The following F13A1 variants were observed in gnomAD, a reference collection of about 807,000 sequenced individuals.
The protein encoded by F13A1 is FSF, A subunit.
Under a neutral mutation model 80.1 loss-of-function variants are expected in F13A1, and 47 were observed. That is an observed-to-expected ratio of 0.59 (90% CI 0.46 to 0.75). The LOEUF (loss-of-function observed/expected upper bound fraction) is 0.75, where lower values mean the gene tolerates loss of function less well. Ranked by LOEUF, F13A1 falls within the 30% of genes least tolerant of loss-of-function variation. The pLI is 0.00. For synonymous variants in F13A1, 349 were observed against 344.9 expected (o/e 1.01, Z -0.13); for missense variants, 817 against 930.4 (o/e 0.88, Z 1.59).
At chr6:6,164,498 AAGAC>A (rs1471756413) in intron 13 of F13A1, among the ~76,000 whole-genome samples, 2 of 152,032 alleles carry the variant, frequency 1.3e-5, no homozygotes, top group Non-Finnish European at 2.9e-5. Context: ...TAAAAATAGA[AAGAC>A]AGGAAAGGAA....
chr6:6,163,749 A>G (rs1446731654), intron 13 of F13A1, among the ~76,000 whole-genome samples: 2 of 152,154 alleles, frequency 1.3e-5, no homozygotes, highest in African/African-American at 4.8e-5. Context: ...TGTGTGTGCT[A>G]TTGTGAATAG....
chr6:6,162,136 A>C lies in F13A1; in HGVS notation c.1908+5322T>G, dbSNP rs1760585924. ...AATCATGTTACATTCCCACTCTAGA[A>C]ACTCCCTTGAAGCCTCTTTGTTCAG... On this transcript the variant is annotated intron_variant, in intron 13 of 14. Coordinates refer to ENST00000264870, the MANE Select transcript of F13A1 (RefSeq NM_000129.4). The surrounding 1 kb of genome is among the most constrained non-coding windows in gnomAD (Gnocchi z 4.2). Among the ~76,000 whole-genome samples the C allele has an allele frequency of 1.3e-5, 2 of 152,100 alleles. No individual in the cohort carries two copies. Among genetic ancestry groups the C allele is most frequent in the African/African-American group, 4.8e-5 (2 of 41,398 alleles).
At chr6:6,252,045 A>G (rs920472111) in intron 4 of F13A1, among the ~76,000 whole-genome samples, 2 of 152,164 alleles carry the variant, frequency 1.3e-5, no homozygotes, top group Admixed American at 1.3e-4. Flanking sequence ...AGAAAATGCC[A>G]CAGTGGTTAA....
intron 8 of F13A1, among the ~76,000 whole-genome samples, chr6:6,200,943 C>T (rs779520913): frequency 3.3e-5 from 5 of 152,138 alleles, no homozygotes; most frequent in Non-Finnish European, 7.3e-5. Flanking sequence ...GACAATGACT[C>T]TGCTAGCCTC....
chr6:6,279,537 GA>G (rs1229197140), intron 3 of F13A1, among the ~76,000 whole-genome samples: 3 of 152,168 alleles, frequency 2.0e-5, no homozygotes, highest in African/African-American at 4.8e-5. Context: ...ACTTGGTGGG[GA>G]GGCACACTTT....
chr6:6,318,741 G>A, intron 1 of F13A1, 59 bp from the exon 2 acceptor site: 1 of 1,555,302 alleles, frequency 6.4e-7, no homozygotes, highest in Non-Finnish European at 8.7e-7. Flanking sequence ...AGTAACATTT[G>A]AGACAAGGAT....
At chr6:6,191,958 G>A (rs1039874265) in intron 10 of F13A1, among the ~76,000 whole-genome samples, 4 of 152,224 alleles carry the variant, frequency 2.6e-5, no homozygotes, top group East Asian at 1.9e-4. Flanking sequence ...TTGGGTGAGC[G>A]AAGGCCTCTT....
At chr6:6,281,219 C>A (rs1372557379) in intron 3 of F13A1, among the ~76,000 whole-genome samples, 1 of 152,152 alleles carries the variant, frequency 6.6e-6, no homozygotes, top group Non-Finnish European at 1.5e-5. Flanking sequence ...AAAATAATTC[C>A]TTCATATCTT....
At chr6:6,191,339 A>C (rs1761194755) in intron 10 of F13A1, among the ~76,000 whole-genome samples, 1 of 152,076 alleles carries the variant, frequency 6.6e-6, no homozygotes, top group African/African-American at 2.4e-5. Flanking sequence ...ATTTACGGCT[A>C]ATTTTTCTTC....
At chr6:6,297,956 C>G (rs1432111853) in intron 3 of F13A1, among the ~76,000 whole-genome samples, 3 of 150,062 alleles carry the variant, frequency 2.0e-5, no homozygotes, top group Non-Finnish European at 4.4e-5. Context: ...TGTCTTTGTT[C>G]TCGTTGGTTT....
At chr6:6,285,362 A>G (rs780311446) in intron 3 of F13A1, among the ~76,000 whole-genome samples, 6 of 152,268 alleles carry the variant, frequency 3.9e-5, no homozygotes, top group Non-Finnish European at 8.8e-5. Context: ...TGAACCAGAC[A>G]TGGGACAAGA....
At chr6:6,190,536 G>GGGGGTCA (rs1484776118) in intron 10 of F13A1, among the ~76,000 whole-genome samples, 4 of 151,006 alleles carry the variant, frequency 2.6e-5, no homozygotes. Flanking sequence ...TAGGCTGCTC[G>GGGGGTCA]GGGGTCAGGG....
intron 3 of F13A1, among the ~76,000 whole-genome samples, chr6:6,290,174 T>C (rs901335363): frequency 6.6e-6 from 1 of 152,150 alleles, no homozygotes; most frequent in African/African-American, 2.4e-5. Flanking sequence ...CAAATAAATA[T>C]CTGAAAAATA....
chr6:6,220,563 C>CTCTG (rs1554101502), intron 8 of F13A1, among the ~76,000 whole-genome samples: 3 of 145,900 alleles, frequency 2.1e-5, no homozygotes, highest in African/African-American at 5.1e-5. Context: ...GTCTGTGTGT[C>CTCTG]TGTCTGTGTG....
At chr6:6,298,048 T>G (rs1452746861) in intron 3 of F13A1, among the ~76,000 whole-genome samples, 2 of 151,244 alleles carry the variant, frequency 1.3e-5, no homozygotes, top group African/African-American at 4.9e-5. Context: ...TTCCATGTAG[T>G]TGAGCCGTTT....
chr6:6,223,661 TAAAAC>T (rs1050671961), intron 7 of F13A1, among the ~76,000 whole-genome samples: 7 of 151,956 alleles, frequency 4.6e-5, no homozygotes, highest in East Asian at 1.9e-4. Context: ...TATGGGAAAA[TAAAAC>T]AAAACAAAAC....
At chr6:6,174,939 A>AC in intron 11 of F13A1, 72 bp from the exon 12 acceptor site, 1 of 1,561,102 alleles carries the variant, frequency 6.4e-7, no homozygotes, top group Non-Finnish European at 8.8e-7. Context: ...TAATGGATGC[A>AC]CCGTGTACTG....
intron 8 of F13A1, among the ~76,000 whole-genome samples, chr6:6,209,743 C>T (rs929845176): frequency 6.6e-6 from 1 of 152,112 alleles, no homozygotes; most frequent in Non-Finnish European, 1.5e-5. Flanking sequence ...GGAAGCCAGA[C>T]ACAAAAGGTC....
At chr6:6,165,782 A>C (rs1382526210) in intron 13 of F13A1, among the ~76,000 whole-genome samples, 1 of 152,202 alleles carries the variant, frequency 6.6e-6, no homozygotes, top group African/African-American at 2.4e-5. Context: ...AGCAACCCTA[A>C]TCCCCACCTC....
Sources: allele counts gnomAD v4.1 joint callset (sites outside exome capture counted in the v4.1 genomes callset), GRCh38; gene constraint gnomAD v4.1.1; non-coding constraint Gnocchi (gnomAD v3.1); transcripts MANE v1.5; gene names NCBI Gene and HGNC (gene_info 2026-07-23, HGNC 2026-07-21).